Variants in AFF4 observed in about 807,000 individuals in gnomAD.
The protein encoded by AFF4 is AF4/FMR2 family member 4.
A neutral mutation model predicts 124.8 loss-of-function variants in AFF4; 13 were observed. The ratio of observed to expected loss-of-function variants is 0.10; its 90% CI spans 0.07 to 0.17. AFF4 has a LOEUF of 0.17. AFF4 is among the 10% of genes least tolerant of loss of function. The probability of loss-of-function intolerance (pLI) is 1.00; values close to 1 mark genes in which losing one functional copy is unlikely to be tolerated. For missense variants in AFF4, 1,092 were observed against 1,403.8 expected (o/e 0.78, Z 3.55); for synonymous variants, 477 against 496.1 (o/e 0.96, Z 0.51).
At position 132,878,040 on chromosome 5, in the gene AFF4, A is replaced by T. The variant is rs1177246317; in HGVS notation, c.*3019T>A. 4.5e-6 allele frequency: 1 copy of T among 222,830 alleles called. No homozygotes were observed. Among genetic ancestry groups the T allele is most frequent in the South Asian group, 1.8e-4 (1 of 5,452 alleles). The allele number at this position is 222,830 out of a possible 1,614,324, so 13.8% of individuals were successfully genotyped here. ...ACCTTCTCCACTCTTCGGCAGCTGT[A>T]GCTGTAAGTTTATCTGAAGTACTCA... On this transcript the variant is annotated 3_prime_UTR_variant, in exon 21 of 21. Coordinates refer to ENST00000265343, the MANE Select transcript of AFF4 (RefSeq NM_014423.4).
At chr5:132,893,211 G>T (rs1760307022) in intron 11 of AFF4, 93 bp from the exon 12 acceptor site, 2 of 974,812 alleles carry the variant, frequency 2.1e-6, no homozygotes, top group South Asian at 1.4e-5. Context: ...CCATGATTAG[G>T]CATCAGAAAG....
chr5:132,915,978 G>C (rs1760899567), intron 5 of AFF4, among the ~76,000 whole-genome samples: 1 of 151,978 alleles, frequency 6.6e-6, no homozygotes, highest in African/African-American at 2.4e-5. Context: ...CTTAAGGCCA[G>C]GTGTGGTGGC....
At chr5:132,959,027 C>T (rs548517886) in intron 1 of AFF4, among the ~76,000 whole-genome samples, 42 of 152,228 alleles carry the variant, frequency 2.8e-4, no homozygotes, top group Non-Finnish European at 4.6e-4. Flanking sequence ...TAATAAGCTA[C>T]GTTTCCTTGC....
chr5:132,932,085 G>A, intron 4 of AFF4, 93 bp downstream of exon 4: 1 of 788,832 alleles, frequency 1.3e-6, no homozygotes, highest in South Asian at 2.3e-5. Flanking sequence ...TGTTGCTTCA[G>A]ATCCTTTGTG....
Position 132,883,669 on chromosome 5 carries a change from T to G in AFF4, c.3144-109A>C, listed in dbSNP as rs146499264. ...AGCATTTAAAATGTAAAGATTCTCT[T>G]AAACTAGATGGGTTTTCAGAGAGCT... On this transcript the variant is annotated intron_variant, in intron 19 of 20. Coordinates refer to ENST00000265343, the MANE Select transcript of AFF4 (RefSeq NM_014423.4). The G allele has an allele frequency of 5.3e-5, 51 of 961,816 alleles. 1 individual carries two copies. The East Asian group carries it at 1.3e-3, about 24-fold the overall frequency. The allele number at this position is 961,816 out of a possible 1,614,324, so 59.6% of individuals were successfully genotyped here.
At chr5:132,923,374 GA>G (rs1761096881) in intron 5 of AFF4, among the ~76,000 whole-genome samples, 3 of 588 alleles carry the variant, frequency 5.1e-3, no homozygotes, top group Non-Finnish European at 9.4e-3. Flanking sequence ...AAAGAAAGGA[GA>G]GAGAGAGAGA....
chr5:132,960,566 G>A (rs1762059722), intron 1 of AFF4, among the ~76,000 whole-genome samples: 1 of 152,124 alleles, frequency 6.6e-6, no homozygotes, highest in South Asian at 2.1e-4. Flanking sequence ...TCTCAAAAAA[G>A]GCAAAATATA....
chr5:132,959,554 TA>T (rs1762034309), intron 1 of AFF4, among the ~76,000 whole-genome samples: 1 of 152,152 alleles, frequency 6.6e-6, no homozygotes, highest in Non-Finnish European at 1.5e-5. Flanking sequence ...GAGGTTCTAA[TA>T]TTTTCTGTGC....
chr5:132,908,778 T>TATATATA (rs1561490392), intron 5 of AFF4, among the ~76,000 whole-genome samples: 1 of 104,350 alleles, frequency 9.6e-6, no homozygotes, highest in African/African-American at 3.7e-5. Context: ...ATATATATAT[T>TATATATA]TTTTTTTTTT....
chr5:132,907,077 C>G (rs1760688488), intron 5 of AFF4, among the ~76,000 whole-genome samples: 1 of 152,120 alleles, frequency 6.6e-6, no homozygotes, highest in South Asian at 2.1e-4. Context: ...TTATATCTGA[C>G]AATAGTCAGC....
chr5:132,902,672 G>A (rs2150076988), intron 6 of AFF4, among the ~76,000 whole-genome samples, 185 bp from the exon 7 acceptor site: 1 of 152,324 alleles, frequency 6.6e-6, no homozygotes, highest in Non-Finnish European at 1.5e-5. Context: ...ATAAGCATGT[G>A]CATATGTTGC....
chr5:132,885,542 T>C (rs1480258981), intron 18 of AFF4, among the ~76,000 whole-genome samples: 2 of 151,862 alleles, frequency 1.3e-5, no homozygotes, highest in Non-Finnish European at 2.9e-5. Flanking sequence ...AAAGACAGTG[T>C]ATGTGCCCCA....
intron 1 of AFF4, among the ~76,000 whole-genome samples, chr5:132,955,691 T>C (rs1761938091): frequency 1.4e-5 from 2 of 147,306 alleles, no homozygotes; most frequent in Non-Finnish European, 3.0e-5. Context: ...GGCAGGAGAA[T>C]CGCTTGAACC....
At position 132,879,901 on chromosome 5, in the gene AFF4, G is replaced by T. The variant is rs148933852; in HGVS notation, c.*1158C>A. On this transcript the variant is annotated 3_prime_UTR_variant, in exon 21 of 21. Coordinates refer to ENST00000265343, the MANE Select transcript of AFF4 (RefSeq NM_014423.4). ...AGAGGGCCTTCATAATGCAAAAGGA[G>T]TAAACAGAAGATAGGTTTAAAAAGG... The T allele has an allele frequency of 1.8e-3, 493 of 272,466 alleles. 2 individuals carry two copies. Among genetic ancestry groups the T allele is most frequent in the African/African-American group, 0.01 (475 of 46,570 alleles). The allele number at this position is 272,466 out of a possible 1,614,324, so 16.9% of individuals were successfully genotyped here. A position where few individuals can be genotyped will look rare whatever the true frequency, so the allele number is the denominator to read the frequency against.
At chr5:132,935,170 G>T (rs1388975682) in intron 2 of AFF4, among the ~76,000 whole-genome samples, 1 of 151,752 alleles carries the variant, frequency 6.6e-6, no homozygotes. Context: ...AATATAATCC[G>T]AGCACAGTGG....
intron 5 of AFF4, among the ~76,000 whole-genome samples, chr5:132,912,161 C>G (rs1407123755): frequency 7.5e-6 from 1 of 133,340 alleles, no homozygotes; most frequent in Non-Finnish European, 1.6e-5. Context: ...GAGATTGTCT[C>G]TACTAAAAAT....
In AFF4 at chr5:132,880,080, T is replaced by C. The variant is rs1759936170; in HGVS notation, c.*979A>G. The C allele has an allele frequency of 7.6e-6, 3 of 396,686 alleles. No individual in the cohort carries two copies. Among genetic ancestry groups the C allele is most frequent in the Admixed American group, 4.4e-5 (1 of 22,672 alleles). 24.6% of individuals were successfully genotyped at this position (396,686 alleles called of 1,614,324 possible). A position where few individuals can be genotyped will look rare whatever the true frequency, so the allele number is the denominator to read the frequency against. On this transcript the variant is annotated 3_prime_UTR_variant, in exon 21 of 21. Transcript: ENST00000265343. ...GGGGGAAAAATCTGAAAAATAACTCTAACTATCAAAGATAATCAATTAAAG... is the reference window on the plus strand; with the variant it reads ...GGGGGAAAAATCTGAAAAATAACTCCAACTATCAAAGATAATCAATTAAAG...
intron 1 of AFF4, among the ~76,000 whole-genome samples, chr5:132,958,691 G>T (rs962580858): frequency 6.6e-6 from 1 of 152,106 alleles, no homozygotes; most frequent in Non-Finnish European, 1.5e-5. Context: ...GTAAGAAGGT[G>T]TGTCTCTACA....
intron 5 of AFF4, among the ~76,000 whole-genome samples, chr5:132,917,698 TTC>T: frequency 1.0e-5 from 1 of 99,518 alleles, no homozygotes; most frequent in Non-Finnish European, 2.1e-5. Context: ...TCTTTTTCTT[TTC>T]TTTTCTTTTT....
Sources: gnomAD v4.1 joint callset for allele counts (sites outside exome capture counted in the v4.1 genomes callset) on GRCh38, gnomAD v4.1.1 for gene constraint, MANE v1.5 for transcripts, NCBI Gene and HGNC (gene_info 2026-07-23, HGNC 2026-07-21) for gene names.